NIPAL2: variants seen among roughly 807,000 people sequenced by gnomAD.
NIPAL2 encodes NIPA-like protein 2.
In NIPAL2, 43 loss-of-function variants were observed where a neutral mutation model predicts 48.9. The observed-to-expected ratio is 0.88, with a 90% CI of 0.69 to 1.13. NIPAL2 has a LOEUF of 1.13. Ranked by LOEUF, NIPAL2 falls within the 50% of genes most tolerant of loss-of-function variation. The pLI, the probability that NIPAL2 is intolerant of heterozygous loss-of-function variation, is 0.00. For synonymous variants in NIPAL2, 167 were observed against 174.6 expected (o/e 0.96, Z 0.34); for missense variants, 446 against 461.4 (o/e 0.97, Z 0.31).
At chr8:98,243,988 C>T (rs1813132011) in intron 3 of NIPAL2, among the ~76,000 whole-genome samples, 1 of 152,106 alleles carries the variant, frequency 6.6e-6, no homozygotes, top group Non-Finnish European at 1.5e-5. Context: ...ATTTTGTTCA[C>T]TTTGTTTATT....
At chr8:98,249,229 T>C (rs1813443040) in intron 3 of NIPAL2, among the ~76,000 whole-genome samples, 1 of 152,202 alleles carries the variant, frequency 6.6e-6, no homozygotes, top group Non-Finnish European at 1.5e-5. Context: ...AGAATCCTGT[T>C]TGATTATGGA....
intron 1 of NIPAL2, among the ~76,000 whole-genome samples, chr8:98,291,610 T>C (rs1461305796): frequency 1.3e-5 from 2 of 152,210 alleles, no homozygotes; most frequent in Non-Finnish European, 2.9e-5. Context: ...ATATTGAATA[T>C]CCCTGTAGTG....
rs186150174 is a variant in NIPAL2, at chr8:98,234,644, C to A, written c.436+1511G>T. Among the ~76,000 whole-genome samples the A allele has an allele frequency of 8.0e-4, 121 of 151,788 alleles. 3 individuals are homozygous for A. The highest frequency in any genetic ancestry group is 3.5e-3 in the Middle Eastern group (1 of 284). ...TTCACTGCAGCCTCGTCCTCCCAGG[C>A]TCAGGTGATCCTCCTGCCTCAGCCT... On this transcript the variant is annotated intron_variant, in intron 4 of 10. Coordinates refer to ENST00000430223, the MANE Select transcript of NIPAL2 (RefSeq NM_001321635.2).
intron 1 of NIPAL2, among the ~76,000 whole-genome samples, chr8:98,267,931 T>A (rs1436912283): frequency 6.6e-6 from 1 of 152,188 alleles, no homozygotes; most frequent in Non-Finnish European, 1.5e-5. Flanking sequence ...ATAATAGTTG[T>A]CAAAATCATG....
At chr8:98,199,530 C>G (rs1424307239) in intron 8 of NIPAL2, among the ~76,000 whole-genome samples, 1 of 152,014 alleles carries the variant, frequency 6.6e-6, no homozygotes, top group African/African-American at 2.4e-5. Context: ...GTGGGAACAG[C>G]TGGTCAGTGG....
At position 98,203,129 on chromosome 8, in the gene NIPAL2, T is replaced by C; in HGVS notation, c.859A>G (p.Thr287Ala). Reference protein sequence around the residue: ...TVVPVNHIFFTISAIIAGIIF... With the variant: ...TVVPVNHIFFAISAIIAGIIF... Reference sequence around the variant, plus strand: ...TCACCTGCAATGATGGCACTGATTGTAAAGAAAATATGATTAACTGGCACC... The same window carrying C: ...TCACCTGCAATGATGGCACTGATTGCAAAGAAAATATGATTAACTGGCACC... The change falls in exon 8 of 11, where the codon ACA becomes GCA. Residue 287 changes from threonine to alanine, a missense_variant. Thr to Ala is a moderately conservative substitution (Grantham distance 58). Coordinates refer to ENST00000430223, the MANE Select transcript of NIPAL2 (RefSeq NM_001321635.2). 1 of 1,614,016 alleles carries C rather than the reference T, an allele frequency of 6.2e-7. No homozygotes were observed. Among genetic ancestry groups the C allele is most frequent in the South Asian group, 1.1e-5 (1 of 91,080 alleles).
rs1241633804 is a variant in NIPAL2 at position 98,294,140 on chromosome 8, G to A, written c.-3C>T. Reference sequence around the variant, plus strand: ...CCCGCGGGCGCCACCGCTGCCATGAGGTCTCGCTCCCGGCGCTCGGGCTCC... The same window carrying A: ...CCCGCGGGCGCCACCGCTGCCATGAAGTCTCGCTCCCGGCGCTCGGGCTCC... On this transcript the variant is annotated 5_prime_UTR_variant, in exon 1 of 11. Coordinates refer to ENST00000430223, the MANE Select transcript of NIPAL2 (RefSeq NM_001321635.2). The A allele has an allele frequency of 2.8e-6, 4 of 1,409,332 alleles. No individual in the cohort carries two copies. The highest frequency in any genetic ancestry group is 3.7e-6 in the Non-Finnish European group (4 of 1,080,484). The allele number at this position is 1,409,332 out of a possible 1,614,324, so 87.3% of individuals were successfully genotyped here.
chr8:98,263,857 T>G (rs1393031566), intron 1 of NIPAL2, among the ~76,000 whole-genome samples: 842 of 102,378 alleles, frequency 8.2e-3, no homozygotes, highest in Non-Finnish European at 0.013. Flanking sequence ...ATATCCTTGA[T>G]GAACATTGAT....
chr8:98,254,233 G>T, intron 1 of NIPAL2, 146 bp from the exon 2 acceptor site: 1 of 525,122 alleles, frequency 1.9e-6, no homozygotes. Context: ...ATATTAATAG[G>T]ATTTAATTAG....
chr8:98,215,506 A>G (rs186564456), intron 5 of NIPAL2, among the ~76,000 whole-genome samples: 32 of 152,306 alleles, frequency 2.1e-4, no homozygotes, highest in African/African-American at 7.7e-4. Flanking sequence ...TGTGTCCCCC[A>G]TACCCTGTGC....
At chr8:98,247,410 G>A (rs889745097) in intron 3 of NIPAL2, among the ~76,000 whole-genome samples, 3 of 152,192 alleles carry the variant, frequency 2.0e-5, no homozygotes, top group African/African-American at 7.2e-5. Flanking sequence ...ACAGGTCATT[G>A]TGCGCATGCT....
At chr8:98,204,842 G>A (rs1484674116) in intron 7 of NIPAL2, among the ~76,000 whole-genome samples, 1 of 151,834 alleles carries the variant, frequency 6.6e-6, no homozygotes, top group African/African-American at 2.4e-5. Flanking sequence ...ATTACAAGCA[G>A]AAGAGCATCA....
rs1397459733 is a variant in NIPAL2, at chr8:98,294,003, C to G, written c.135G>C (p.Gln45His). The G allele has an allele frequency of 1.3e-6, 2 of 1,487,966 alleles. No homozygotes were observed. The highest frequency in any genetic ancestry group is 8.9e-7 in the Non-Finnish European group (1 of 1,118,428). 92.2% of individuals were successfully genotyped at this position (1,487,966 alleles called of 1,614,324 possible). Reference protein sequence around the residue: ...SLSGDWYRRNQIHLFGVLLAI... With the variant: ...SLSGDWYRRNHIHLFGVLLAI... ...GCGGTGGCTGCGGGGCGGCCCTTAC[C>G]TGGTTCCTGCGGTACCAGTCGCCCG... The change falls in exon 1 of 11, where the codon CAG (glutamine) becomes CAC (histidine). Residue 45 changes from glutamine (Q) to histidine (H), a missense_variant and splice_region_variant. Coordinates refer to ENST00000430223, the MANE Select transcript of NIPAL2 (RefSeq NM_001321635.2).
In NIPAL2 at chr8:98,207,594, T is replaced by TA. The variant is rs201543349; in HGVS notation, c.656-2349dup. On this transcript the variant is annotated intron_variant, in intron 6 of 10. Coordinates refer to ENST00000430223, the MANE Select transcript of NIPAL2 (RefSeq NM_001321635.2). ...GATAATGAATTAACTTGAAATTCATTAAAAAAATCTACAAAAGTAAACATA... is the reference window on the plus strand; with the variant it reads ...GATAATGAATTAACTTGAAATTCATTAAAAAAAATCTACAAAAGTAAACATA... 9.1e-3 allele frequency among the ~76,000 whole-genome samples: 1,390 copies of TA among 152,274 alleles called. 20 individuals are homozygous for TA. The highest frequency in any genetic ancestry group is 0.029 in the African/African-American group (1,190 of 41,566).
At chr8:98,265,256 G>T (rs1814638589) in intron 1 of NIPAL2, among the ~76,000 whole-genome samples, 1 of 151,676 alleles carries the variant, frequency 6.6e-6, no homozygotes, top group Non-Finnish European at 1.5e-5. Flanking sequence ...AAAAGCAATG[G>T]CAACAAAAGC....
intron 3 of NIPAL2, among the ~76,000 whole-genome samples, chr8:98,243,285 G>A (rs1468034289): frequency 6.6e-6 from 1 of 152,186 alleles, no homozygotes; most frequent in African/African-American, 2.4e-5. Context: ...TCAAAATGGA[G>A]ATTCATTCTG....
rs1482477230 is a variant in NIPAL2 at position 98,192,746 on chromosome 8, T to A, written c.*232A>T. The A allele has an allele frequency of 1.9e-6, 1 of 536,526 alleles. No individual in the cohort carries two copies. 33.2% of individuals were successfully genotyped at this position (536,526 alleles called of 1,614,324 possible). ...AAGGTGTAGCTGGCTAGATAATCAC[T>A]AGGGAGAGGTCCAGGGTGTGGGGAA... On this transcript the variant is annotated 3_prime_UTR_variant, in exon 11 of 11. Coordinates refer to ENST00000430223, the MANE Select transcript of NIPAL2 (RefSeq NM_001321635.2).
At chr8:98,255,352 A>G (rs891448048) in intron 1 of NIPAL2, among the ~76,000 whole-genome samples, 1 of 152,210 alleles carries the variant, frequency 6.6e-6, no homozygotes, top group African/African-American at 2.4e-5. Flanking sequence ...ATTCTACAGC[A>G]CATAACTTCT....
intron 4 of NIPAL2, among the ~76,000 whole-genome samples, chr8:98,222,915 C>T (rs767250760): frequency 1.7e-4 from 26 of 152,164 alleles, no homozygotes; most frequent in Admixed American, 2.0e-4. Flanking sequence ...GCTACGAAGA[C>T]GTGAAAACAC....
Sources: allele counts gnomAD v4.1 joint callset (sites outside exome capture counted in the v4.1 genomes callset), GRCh38; gene constraint gnomAD v4.1.1; transcripts MANE v1.5; gene names NCBI Gene and HGNC (gene_info 2026-07-23, HGNC 2026-07-21).